CLCN4: variants seen among roughly 807,000 people sequenced by gnomAD.
The protein encoded by CLCN4 is H(+)/Cl(-) exchange transporter 4.
CLCN4 carries 1 observed loss-of-function variant against 41.7 expected under a neutral mutation model. The ratio of observed to expected loss-of-function variants is 0.02; its 90% confidence interval spans 0.01 to 0.11. The LOEUF (loss-of-function observed/expected upper bound fraction) is 0.11, where lower values mean the gene tolerates loss of function less well. CLCN4 is among the 10% of genes least tolerant of loss of function. The pLI, the probability that CLCN4 is intolerant of heterozygous loss-of-function variation, is 1.00. For missense variants in CLCN4, 287 were observed against 661.0 expected, an observed-to-expected ratio of 0.43 and a Z score of 6.20; for synonymous variants, 277 against 285.8, an observed-to-expected ratio of 0.97 and a Z score of 0.31.
intron 3 of CLCN4, 61 bp from the exon 4 acceptor site, chrX:10,187,454 A>T: frequency 1.2e-6 from 1 of 868,976 alleles, no homozygotes; most frequent in Non-Finnish European, 1.7e-6. Context: ...AACAGTTTCA[A>T]GGAAAAAAGC....
chrX:10,163,375 T>TG lies in CLCN4; in HGVS notation c.-12+4824_-12+4825insG, dbSNP rs1555971330. On this transcript the variant is annotated intron_variant, in intron 2 of 12. Transcript: ENST00000380833. ...TTTATGTGCAGGAATTTTTTTTTTT[T>TG]TGTGATAAGTATTTTTTTAAATGAC... 1.3e-4 allele frequency among the ~76,000 whole-genome samples: 14 copies of TG among 110,423 alleles called. No homozygotes were observed. In the South Asian group the frequency reaches 1.6e-3, roughly 12 times the overall value.
intron 11 of CLCN4, 73 bp downstream of exon 11, chrX:10,214,152 A>G: frequency 1.9e-6 from 2 of 1,029,358 alleles, no homozygotes; most frequent in Admixed American, 3.7e-5. Flanking sequence ...ACATTATCCA[A>G]GATTTTTGAG....
At chrX:10,180,977 C>T (rs1923666703) in intron 2 of CLCN4, among the ~76,000 whole-genome samples, 1 of 109,751 alleles carries the variant, frequency 9.1e-6, no homozygotes. Flanking sequence ...ATGCCAGCTC[C>T]AGCCCCTGTC....
At position 10,164,907 on chromosome X, in the gene CLCN4, C is replaced by T. The variant is rs772150474; in HGVS notation, c.-12+6356C>T. Among the ~76,000 whole-genome samples the T allele has an allele frequency of 1.5e-3, 164 of 112,553 alleles. 1 individual carries two copies. Among genetic ancestry groups the T allele is most frequent in the African/African-American group, 4.0e-3 (124 of 31,015 alleles). ...CAAGCTGTCAGGCTGCCGGTGGCTC[C>T]GGTGATTCTGGCTACACAGCTTGCT... is the stretch of plus-strand genomic sequence containing the variant. On this transcript the variant is annotated intron_variant, in intron 2 of 12. Transcript: ENST00000380833.
At chrX:10,224,644 A>G (rs1193679790) in intron 12 of CLCN4, among the ~76,000 whole-genome samples, 1 of 111,486 alleles carries the variant, frequency 9.0e-6, no homozygotes, top group Non-Finnish European at 1.9e-5. Context: ...CAGTCTTGCT[A>G]CATAGGTAAA....
At chrX:10,228,095 C>T (rs1925034341) in intron 12 of CLCN4, among the ~76,000 whole-genome samples, 1 of 110,734 alleles carries the variant, frequency 9.0e-6, no homozygotes, top group Non-Finnish European at 1.9e-5. Flanking sequence ...ACAAACATTC[C>T]AATTCTTTTA....
Position 10,214,024 on chromosome X carries a change from A to T in CLCN4, c.1920A>T (p.Arg640Ser). The T allele has an allele frequency of 8.3e-7, 1 of 1,204,111 alleles. No homozygotes were observed. The highest frequency in any genetic ancestry group is 1.1e-6 in the Non-Finnish European group (1 of 891,922). ...ACGGCTTCCCCGTGGTGGTCTCCAG[A>T]GACTCCGAGCGCCTCATTGGATTTG... ...DYNGFPVVVS[R>S]DSERLIGFAQ... Residue 640 changes from arginine to serine, a missense_variant, in exon 11 of 13, where the codon AGA (arginine) becomes AGT (serine). This residue lies in a region of CLCN4 where 71 missense variants were observed against 104.5 expected (regional missense o/e 0.68). Coordinates refer to ENST00000380833, the MANE Select transcript of CLCN4 (RefSeq NM_001830.4).
intron 11 of CLCN4, among the ~76,000 whole-genome samples, chrX:10,216,281 A>G (rs1425588169): frequency 8.9e-6 from 1 of 112,312 alleles, no homozygotes; most frequent in Non-Finnish European, 1.9e-5. Flanking sequence ...TATGTTTTGG[A>G]ATGCCAAAGC....
Position 10,234,181 on chromosome X carries a change from A to G in CLCN4, c.*597A>G, listed in dbSNP as rs1251135004. The G allele has an allele frequency of 8.9e-6, 1 of 112,745 alleles. No homozygotes were observed. The highest frequency in any genetic ancestry group is 1.9e-5 in the Non-Finnish European group (1 of 53,454). 9.3% of individuals were successfully genotyped at this position (112,745 alleles called of 1,213,427 possible). ...TTCTTGCTCCTGTTCTCAGCCTGTT[A>G]TCTGGCTTATCCATCAGTTTCTGAA... On this transcript the variant is annotated 3_prime_UTR_variant, in exon 13 of 13. Transcript: ENST00000380833.
chrX:10,180,190 T>G (rs1421228401), intron 2 of CLCN4, among the ~76,000 whole-genome samples: 1 of 111,981 alleles, frequency 8.9e-6, no homozygotes, highest in Non-Finnish European at 1.9e-5. Flanking sequence ...TCAAGAAGTT[T>G]TGTAAGTTGG....
intron 2 of CLCN4, among the ~76,000 whole-genome samples, chrX:10,177,156 T>G (rs1476336805): frequency 2.0e-4 from 23 of 112,730 alleles, no homozygotes; most frequent in Non-Finnish European, 5.6e-5. Flanking sequence ...CACATGAAGA[T>G]GATATGGAAT....
chrX:10,180,004 T>G (rs1018677709), intron 2 of CLCN4, among the ~76,000 whole-genome samples: 11 of 112,203 alleles, frequency 9.8e-5, no homozygotes, highest in African/African-American at 3.2e-4. Context: ...GCCTCTCTTG[T>G]GATGAACATC....
chrX:10,161,395 A>G (rs1923097553), intron 2 of CLCN4, among the ~76,000 whole-genome samples: 1 of 111,821 alleles, frequency 8.9e-6, no homozygotes, highest in African/African-American at 3.3e-5. Context: ...GGTGCTCTGT[A>G]TGAGCCATCT....
At chrX:10,196,597 T>G (rs1924102460) in intron 5 of CLCN4, among the ~76,000 whole-genome samples, 1 of 104,536 alleles carries the variant, frequency 9.6e-6, no homozygotes, top group African/African-American at 3.6e-5. Flanking sequence ...TGGAATGCAC[T>G]TTGCCATTTT....
intron 9 of CLCN4, 131 bp downstream of exon 9, chrX:10,208,721 C>T: frequency 2.0e-6 from 1 of 510,769 alleles, no homozygotes; most frequent in Non-Finnish European, 3.2e-6. Flanking sequence ...ATGTGCCAGG[C>T]ACTTGACATT....
chrX:10,216,501 G>A (rs187153039), intron 11 of CLCN4, among the ~76,000 whole-genome samples: 4 of 111,257 alleles, frequency 3.6e-5, no homozygotes, highest in African/African-American at 1.3e-4. Context: ...CTGCAGTTAA[G>A]TAGAGGTTCA....
At chrX:10,179,017 T>C (rs973104494) in intron 2 of CLCN4, among the ~76,000 whole-genome samples, 2 of 111,665 alleles carry the variant, frequency 1.8e-5, no homozygotes, top group Admixed American at 9.5e-5. Flanking sequence ...AGGATCCCTT[T>C]TGAGGGTGCG....
chrX:10,196,535 CCA>C (rs1416094727), intron 5 of CLCN4, among the ~76,000 whole-genome samples: 1 of 51,259 alleles, frequency 2.0e-5, no homozygotes, highest in African/African-American at 1.1e-4. Context: ...CCTCCCTTCC[CCA>C]CTTTTTTTTT....
Position 10,235,106 on chromosome X carries a change from A to G in CLCN4, c.*1522A>G, listed in dbSNP as rs1925219016. The G allele has an allele frequency of 1.8e-5, 2 of 112,152 alleles. No individual in the cohort carries two copies. The highest frequency in any genetic ancestry group is 3.8e-4 in the South Asian group (1 of 2,654). The allele number at this position is 112,152 out of a possible 1,213,427, so 9.2% of individuals were successfully genotyped here. A position where few individuals can be genotyped will look rare whatever the true frequency, so the allele number is the denominator to read the frequency against. On this transcript the variant is annotated 3_prime_UTR_variant, in exon 13 of 13. Transcript: ENST00000380833. ...GGGGTACTCCAGGACTGTCTCCATAACATCATTGGGATCCCCATCCCGTTG... is the reference window on the plus strand; with the variant it reads ...GGGGTACTCCAGGACTGTCTCCATAGCATCATTGGGATCCCCATCCCGTTG...
Sources: gnomAD v4.1 joint callset for allele counts (sites outside exome capture counted in the v4.1 genomes callset) on GRCh38, gnomAD v4.1.1 for gene constraint, gnomAD v4.1.1 regional missense constraint, MANE v1.5 for transcripts, NCBI Gene and HGNC (gene_info 2026-07-23, HGNC 2026-07-21) for gene names.